The following GABRG3 variants were observed in gnomAD, a reference collection of about 807,000 sequenced individuals.
The protein encoded by GABRG3 is gamma-aminobutyric acid receptor subunit gamma-3.
A neutral mutation model predicts 48.8 loss-of-function variants in GABRG3; 25 were observed. The ratio of observed to expected loss-of-function variants is 0.51; its 90% confidence interval spans 0.37 to 0.72. The LOEUF is 0.72. Ranked by LOEUF, GABRG3 falls within the 30% of genes least tolerant of loss-of-function variation. GABRG3 has a pLI of 0.00. For missense variants in GABRG3, 394 were observed against 577.9 expected, an observed-to-expected ratio of 0.68 and a Z score of 3.26; for synonymous variants, 227 against 217.6, an observed-to-expected ratio of 1.04 and a Z score of -0.38.
chr15:27,181,349 T>C (rs559830563), intron 3 of GABRG3, among the ~76,000 whole-genome samples: 1 of 152,332 alleles, frequency 6.6e-6, no homozygotes, highest in South Asian at 2.1e-4. Context: ...CACACCTTTA[T>C]TTGGTAGAGG....
chr15:27,090,828 T>G (rs142764121), intron 3 of GABRG3, among the ~76,000 whole-genome samples: 192 of 152,314 alleles, frequency 1.3e-3, no homozygotes, highest in African/African-American at 4.4e-3. Context: ...GCATATGAAA[T>G]TGGTGCAACT....
At chr15:27,085,230 G>C in intron 3 of GABRG3, among the ~76,000 whole-genome samples, 1 of 152,176 alleles carries the variant, frequency 6.6e-6, no homozygotes, top group Admixed American at 6.5e-5. Flanking sequence ...CACATCTCTA[G>C]GCTGTGATCT....
At chr15:27,246,289 T>G (rs975027628) in intron 3 of GABRG3, among the ~76,000 whole-genome samples, 20 of 152,096 alleles carry the variant, frequency 1.3e-4, no homozygotes, top group African/African-American at 4.6e-4. Context: ...TTTAGGAAAC[T>G]TTTAATCCCA....
At chr15:27,109,969 A>C (rs1595530221) in intron 3 of GABRG3, among the ~76,000 whole-genome samples, 1 of 152,206 alleles carries the variant, frequency 6.6e-6, no homozygotes. Context: ...TTGTGTTTAT[A>C]TCCACTTTGT....
intron 3 of GABRG3, among the ~76,000 whole-genome samples, chr15:27,325,653 G>A (rs1893588829): frequency 6.6e-6 from 1 of 152,158 alleles, no homozygotes; most frequent in Non-Finnish European, 1.5e-5. Flanking sequence ...TAGAATATAA[G>A]CTCTAGGAGG....
At chr15:27,385,842 T>C (rs1895905868) in intron 5 of GABRG3, among the ~76,000 whole-genome samples, 1 of 152,216 alleles carries the variant, frequency 6.6e-6, no homozygotes, top group South Asian at 2.1e-4. Context: ...ATCTTCTTTG[T>C]AGTCTTTGTC....
intron 2 of GABRG3, among the ~76,000 whole-genome samples, chr15:27,011,406 A>G (rs1274069943): frequency 1.3e-5 from 2 of 151,992 alleles, no homozygotes; most frequent in Admixed American, 6.6e-5. Flanking sequence ...TGGCCTTTCA[A>G]TACATTATCT....
chr15:27,011,092 C>G (rs1403305688), intron 2 of GABRG3, among the ~76,000 whole-genome samples: 2 of 152,216 alleles, frequency 1.3e-5, no homozygotes, highest in South Asian at 2.1e-4. Flanking sequence ...GTCTCGAACT[C>G]CTGACCTCAA....
At chr15:27,200,818 A>G (rs1888657510) in intron 3 of GABRG3, among the ~76,000 whole-genome samples, 2 of 152,134 alleles carry the variant, frequency 1.3e-5, no homozygotes, top group African/African-American at 4.8e-5. Flanking sequence ...CCCGTGGGTT[A>G]CAGTCTTCAC....
chr15:27,120,788 CGTGT>C (rs918548922), intron 3 of GABRG3, among the ~76,000 whole-genome samples: 25 of 151,706 alleles, frequency 1.6e-4, no homozygotes, highest in Admixed American at 5.2e-4. Flanking sequence ...GTTTTTTGAC[CGTGT>C]CTCACATAAT....
intron 5 of GABRG3, among the ~76,000 whole-genome samples, chr15:27,342,672 C>T (rs936344849): frequency 6.6e-6 from 1 of 152,214 alleles, no homozygotes. Flanking sequence ...GTATTGTGGA[C>T]GTTATTCGAA....
chr15:27,398,031 C>G (rs942141425), intron 5 of GABRG3, among the ~76,000 whole-genome samples: 3 of 152,038 alleles, frequency 2.0e-5, no homozygotes, highest in African/African-American at 7.2e-5. Flanking sequence ...GTCTCGATCC[C>G]CTGACCTCGT....
chr15:27,357,111 TA>T (rs1335176428), intron 5 of GABRG3, among the ~76,000 whole-genome samples: 1 of 152,176 alleles, frequency 6.6e-6, no homozygotes, highest in Non-Finnish European at 1.5e-5. Flanking sequence ...TGCACTCCAA[TA>T]TAAAAATTAC....
chr15:27,492,526 A>G (rs1015497901), intron 6 of GABRG3, among the ~76,000 whole-genome samples: 3 of 152,236 alleles, frequency 2.0e-5, no homozygotes, highest in Admixed American at 1.3e-4. Flanking sequence ...GCCCTGTCCC[A>G]GCCTCTGGCT....
At chr15:27,002,228 C>T (rs1031852874) in intron 2 of GABRG3, among the ~76,000 whole-genome samples, 1 of 152,168 alleles carries the variant, frequency 6.6e-6, no homozygotes, top group Admixed American at 6.5e-5. Context: ...ACTGAACTCG[C>T]ACTCGAAGGA....
intron 5 of GABRG3, among the ~76,000 whole-genome samples, chr15:27,337,720 G>T (rs1217900271): frequency 6.6e-6 from 1 of 151,986 alleles, no homozygotes; most frequent in Non-Finnish European, 1.5e-5. Context: ...TACATGCTCT[G>T]CACTCTCTAG....
At chr15:26,999,819 T>G (rs1555397162) in intron 2 of GABRG3, among the ~76,000 whole-genome samples, 2 of 152,148 alleles carry the variant, frequency 1.3e-5, no homozygotes, top group Non-Finnish European at 2.9e-5. Context: ...TTCTTTTATT[T>G]AAGTTTTATT....
At chr15:27,027,187 T>C (rs1051585270) in intron 3 of GABRG3, 2 of 179,052 alleles carry the variant, frequency 1.1e-5, no homozygotes, top group African/African-American at 4.7e-5. Flanking sequence ...TTTCCCCGAG[T>C]AGGGTATTCC....
At chr15:27,339,931 A>C (rs1037726825) in intron 5 of GABRG3, among the ~76,000 whole-genome samples, 1 of 152,106 alleles carries the variant, frequency 6.6e-6, no homozygotes, top group Non-Finnish European at 1.5e-5. Flanking sequence ...CCCTTCCTCA[A>C]ACATCCCAGA....
Sources: gnomAD v4.1 joint callset for allele counts (sites outside exome capture counted in the v4.1 genomes callset) on GRCh38, gnomAD v4.1.1 for gene constraint, MANE v1.5 for transcripts, NCBI Gene and HGNC (gene_info 2026-07-23, HGNC 2026-07-21) for gene names.